Variants in DNAJB6 observed in about 807,000 individuals in gnomAD.
DNAJB6 encodes DnaJ heat shock protein family (Hsp40) member B6, also known as dnaJ homolog subfamily B member 6.
Under a neutral mutation model 42.7 loss-of-function variants are expected in DNAJB6, and 16 were observed. The observed-to-expected ratio is 0.37, with a 90% CI of 0.25 to 0.57. The LOEUF (loss-of-function observed/expected upper bound fraction) is 0.57. Ranked by LOEUF, DNAJB6 falls within the 20% of genes least tolerant of loss-of-function variation. DNAJB6 has a pLI of 0.74. For synonymous variants in DNAJB6, 170 were observed against 163.5 expected (o/e 1.04, Z -0.30); for missense variants, 347 against 416.8 (o/e 0.83, Z 1.46).
At chr7:157,415,188 A>G (rs1001687568) in intron 9 of DNAJB6, 1 of 152,246 alleles carries the variant, frequency 6.6e-6, no homozygotes, top group African/African-American at 2.4e-5. Flanking sequence ...GCCAAATTCA[A>G]CATCGGGCCT....
chr7:157,409,686 C>A, intron 8 of DNAJB6, 109 bp from the exon 9 acceptor site: 1 of 1,213,962 alleles, frequency 8.2e-7, no homozygotes, highest in Non-Finnish European at 1.1e-6. Flanking sequence ...CCGGAGATGG[C>A]GCGTCTGGAT....
intron 9 of DNAJB6, chr7:157,414,945 AC>A (rs1327231820): frequency 2.0e-5 from 3 of 152,206 alleles, no homozygotes; most frequent in African/African-American, 7.2e-5. Context: ...GGAGCCTGGC[AC>A]CCGGCCTACC....
Position 157,416,105 on chromosome 7 carries a change from C to G in DNAJB6, c.*7C>G. 1 of 1,612,750 alleles carries G rather than the reference C, an allele frequency of 6.2e-7. No individual in the cohort carries two copies. ...GACCAAAGGCAATCACTAGACCGGA[C>G]TTGAGGCACGCGGTGCACCCCCAGA... On this transcript the variant is annotated 3_prime_UTR_variant, in exon 10 of 10. Transcript: ENST00000262177.
At chr7:157,339,161 A>G (rs7789738) in intron 1 of DNAJB6, among the ~76,000 whole-genome samples, 3,335 of 152,176 alleles carry the variant, frequency 0.022, 103 homozygotes, top group African/African-American at 0.071. Context: ...TTTTTAAGCA[A>G]GCCCGTAATT....
In DNAJB6 at chr7:157,393,166, G is replaced by C. The variant is rs533360048; in HGVS notation, c.691+7555G>C. Among the ~76,000 whole-genome samples the C allele has an allele frequency of 2.6e-5, 4 of 152,188 alleles. No individual in the cohort carries two copies. The South Asian group carries it at 8.3e-4, about 32-fold the overall frequency. On this transcript the variant is annotated intron_variant, in intron 8 of 9. Coordinates refer to ENST00000262177, the MANE Select transcript of DNAJB6 (RefSeq NM_058246.4). ...TTTTTTTGTATTTTTAGTAGAGACGGAGTTTCACTATTTTGGTCAGGCTGA... is the reference window on the plus strand; with the variant it reads ...TTTTTTTGTATTTTTAGTAGAGACGCAGTTTCACTATTTTGGTCAGGCTGA...
chr7:157,404,450 C>T (rs1404552498), intron 8 of DNAJB6, among the ~76,000 whole-genome samples: 1 of 142,758 alleles, frequency 7.0e-6, no homozygotes, highest in African/African-American at 2.6e-5. Context: ...CAACAGCGCA[C>T]TGGGCTAATT....
chr7:157,399,796 G>A (rs1230918923), intron 8 of DNAJB6, among the ~76,000 whole-genome samples: 2 of 152,120 alleles, frequency 1.3e-5, no homozygotes, highest in African/African-American at 4.8e-5. Context: ...AGCCTCTGGA[G>A]TAGCTGGGAT....
rs1455243200 is a variant in DNAJB6 at position 157,417,147 on chromosome 7, A to T, written c.*1049A>T. The T allele has an allele frequency of 2.0e-5, 3 of 152,158 alleles. No homozygotes were observed. Among genetic ancestry groups the T allele is most frequent in the Non-Finnish European group, 4.4e-5 (3 of 68,036 alleles). The allele number at this position is 152,158 out of a possible 1,614,324, so 9.4% of individuals were successfully genotyped here. ...CCTTTGTCCTCTTGGACTTGAGGGCATTGTGAAAAGCTTTGCTGTGATTTA... is the reference window on the plus strand; with the variant it reads ...CCTTTGTCCTCTTGGACTTGAGGGCTTTGTGAAAAGCTTTGCTGTGATTTA... On this transcript the variant is annotated 3_prime_UTR_variant, in exon 10 of 10. Coordinates refer to ENST00000262177, the MANE Select transcript of DNAJB6 (RefSeq NM_058246.4).
chr7:157,369,671 T>TCACATTATTATTAAACAGGCCCCTTCTC (rs1800031152), intron 5 of DNAJB6, among the ~76,000 whole-genome samples: 1 of 148,868 alleles, frequency 6.7e-6, no homozygotes, highest in African/African-American at 2.6e-5. Context: ...GGCCCCTTCT[T>TCACATTATTATTAAACAGGCCCCTTCTC]AACATTATTA....
chr7:157,342,897 A>G (rs1343836105), intron 1 of DNAJB6, among the ~76,000 whole-genome samples: 2 of 150,720 alleles, frequency 1.3e-5, no homozygotes, highest in Non-Finnish European at 2.9e-5. Context: ...CATACTGGAT[A>G]ATGAAATAAG....
At chr7:157,351,659 AAC>A (rs753732646) in intron 1 of DNAJB6, among the ~76,000 whole-genome samples, 8,988 of 51,560 alleles carry the variant, frequency 0.17, 351 homozygotes, top group East Asian at 0.45. Flanking sequence ...CAACAACAAC[AAC>A]AAAAAAAACC....
In DNAJB6 at chr7:157,397,254, C is replaced by T. The variant is rs1304233825; in HGVS notation, c.691+11643C>T. 5.3e-5 allele frequency among the ~76,000 whole-genome samples: 8 copies of T among 152,362 alleles called. No individual in the cohort carries two copies. In the East Asian group the frequency reaches 1.5e-3, roughly 29 times the overall value. ...TGGTAACAACAGCATGTGGCCTCCA[C>T]CTCACGTAAGCATTTGGTGTCTCCT... is the stretch of plus-strand genomic sequence containing the variant. On this transcript the variant is annotated intron_variant, in intron 8 of 9. Transcript: ENST00000262177.
chr7:157,344,127 T>TCAGG (rs1798560623), intron 1 of DNAJB6, among the ~76,000 whole-genome samples: 1 of 152,094 alleles, frequency 6.6e-6, no homozygotes, highest in Non-Finnish European at 1.5e-5. Flanking sequence ...GATCACAAGG[T>TCAGG]CAGGAGTTTG....
Position 157,407,523 on chromosome 7 carries a change from C to T in DNAJB6, c.692-2272C>T, listed in dbSNP as rs549493808. On this transcript the variant is annotated intron_variant, in intron 8 of 9. Coordinates refer to ENST00000262177, the MANE Select transcript of DNAJB6 (RefSeq NM_058246.4). ...CTGGAGGCAGGAACGGGCTTAGCAC[C>T]GGCAGGTTCTGGTTGGCCCTTTGCT... Among the ~76,000 whole-genome samples, 12 of 152,262 alleles carry T rather than the reference C, an allele frequency of 7.9e-5. No individual in the cohort carries two copies. The East Asian group carries it at 1.4e-3, about 17-fold the overall frequency.
chr7:157,393,778 G>T (rs996666492), intron 8 of DNAJB6, among the ~76,000 whole-genome samples: 8 of 151,514 alleles, frequency 5.3e-5, no homozygotes, highest in Non-Finnish European at 2.9e-5. Context: ...TGTGCAGTGG[G>T]TGATGATCAG....
chr7:157,346,355 GT>G (rs1197986296), intron 1 of DNAJB6, among the ~76,000 whole-genome samples: 1 of 139,978 alleles, frequency 7.1e-6, no homozygotes, highest in African/African-American at 2.6e-5. Context: ...ATACAACTTA[GT>G]TTCTCTGTGA....
At chr7:157,374,304 A>C (rs968476169) in intron 5 of DNAJB6, among the ~76,000 whole-genome samples, 3 of 152,094 alleles carry the variant, frequency 2.0e-5, no homozygotes, top group African/African-American at 7.2e-5. Context: ...TCTGTCGCCC[A>C]GCTGGAGTGC....
intron 8 of DNAJB6, among the ~76,000 whole-genome samples, chr7:157,397,704 A>AT (rs1254146331): frequency 5.9e-5 from 9 of 152,234 alleles, no homozygotes; most frequent in African/African-American, 1.9e-4. Context: ...TCACGTCTTC[A>AT]TTCCCTGGAG....
intron 8 of DNAJB6, among the ~76,000 whole-genome samples, chr7:157,404,340 G>T (rs761794733): frequency 3.0e-4 from 46 of 151,446 alleles, no homozygotes; most frequent in Non-Finnish European, 5.4e-4. Flanking sequence ...AGTTAGGCTG[G>T]AGTGCAGTGG....
Sources: gnomAD v4.1 joint callset for allele counts (sites outside exome capture counted in the v4.1 genomes callset) on GRCh38, gnomAD v4.1.1 for gene constraint, MANE v1.5 for transcripts, NCBI Gene and HGNC (gene_info 2026-07-23, HGNC 2026-07-21) for gene names.